TNNI3K: variants seen among roughly 807,000 people sequenced by gnomAD.
TNNI3K encodes serine/threonine-protein kinase TNNI3K.
Under a neutral mutation model 114.5 loss-of-function variants are expected in TNNI3K, and 140 were observed. The ratio of observed to expected loss-of-function variants is 1.22; its 90% confidence interval spans 1.07 to 1.41. The LOEUF is 1.41. Ranked by LOEUF, TNNI3K falls within the 40% of genes most tolerant of loss-of-function variation. The pLI is 0.00. For missense variants in TNNI3K, 1,125 were observed against 1,007.6 expected, an observed-to-expected ratio of 1.12 and a Z score of -1.58; for synonymous variants, 347 against 347.5, an observed-to-expected ratio of 1.00 and a Z score of 0.02.
At chr1:74,536,084 C>T (rs779337709) in intron 23 of TNNI3K, among the ~76,000 whole-genome samples, 2 of 152,108 alleles carry the variant, frequency 1.3e-5, no homozygotes, top group African/African-American at 2.4e-5. Flanking sequence ...GAAGCTTTGC[C>T]TATAATGTAC....
chr1:74,489,499 C>A (rs965086686), intron 22 of TNNI3K, among the ~76,000 whole-genome samples: 1 of 152,128 alleles, frequency 6.6e-6, no homozygotes. Flanking sequence ...CAGTCATGCT[C>A]AGCTTAAAAA....
chr1:74,429,169 A>G (rs1190218814), intron 17 of TNNI3K, among the ~76,000 whole-genome samples: 1 of 151,974 alleles, frequency 6.6e-6, no homozygotes, highest in Non-Finnish European at 1.5e-5. Context: ...CAAAACCAGG[A>G]CCTCCAGCAG....
At chr1:74,516,651 G>A (rs1332196683) in intron 23 of TNNI3K, among the ~76,000 whole-genome samples, 1 of 152,144 alleles carries the variant, frequency 6.6e-6, no homozygotes, top group African/African-American at 2.4e-5. Context: ...AACAGTAAGT[G>A]GCATGGTCAG....
Position 74,463,502 on chromosome 1 carries a change from C to T in TNNI3K, c.2073C>T (p.Pro691=). The T allele has an allele frequency of 6.2e-7, 1 of 1,614,204 alleles. No individual in the cohort carries two copies. The highest frequency in any genetic ancestry group is 1.1e-5 in the South Asian group (1 of 91,084). Residue 691 remains proline, a synonymous_variant, in exon 21 of 25, where the codon CCC becomes CCT. Transcript: ENST00000326637. ...GACCTCCCATTGGCTATTCCATTCC[C>T]AAGCCCATATCATCTCTGCTGATAC... ...HIRPPIGYSI[P]KPISSLLIRG...
chr1:74,360,054 T>G (rs1368147737), intron 11 of TNNI3K, among the ~76,000 whole-genome samples: 2 of 151,998 alleles, frequency 1.3e-5, no homozygotes, highest in African/African-American at 4.8e-5. Flanking sequence ...CAAAAAGTCT[T>G]CTTTATTTTG....
chr1:74,435,270 G>A (rs1666071337), intron 17 of TNNI3K, among the ~76,000 whole-genome samples: 2 of 151,968 alleles, frequency 1.3e-5, no homozygotes, highest in Admixed American at 1.3e-4. Context: ...TCTTAAAAAG[G>A]ACACTCTTTT....
chr1:74,389,004 C>T (rs1663627345), intron 17 of TNNI3K, among the ~76,000 whole-genome samples: 2 of 152,238 alleles, frequency 1.3e-5, no homozygotes, highest in African/African-American at 4.8e-5. Flanking sequence ...AGCACTCATG[C>T]AACTGAGAGT....
intron 4 of TNNI3K, among the ~76,000 whole-genome samples, chr1:74,251,151 G>A (rs1654903485): frequency 6.6e-6 from 1 of 152,098 alleles, no homozygotes. Flanking sequence ...TGTATTTAAA[G>A]ACAAAAGAAG....
chr1:74,480,143 C>G (rs937658541), intron 21 of TNNI3K: 2 of 711,382 alleles, frequency 2.8e-6, no homozygotes, highest in African/African-American at 1.8e-5. Flanking sequence ...CACACTTCTC[C>G]CCGGCATACC....
chr1:74,252,714 T>G (rs1450276829), intron 4 of TNNI3K, among the ~76,000 whole-genome samples: 1 of 152,014 alleles, frequency 6.6e-6, no homozygotes, highest in African/African-American at 2.4e-5. Flanking sequence ...GCGGCACGTC[T>G]GGAGTTGTTC....
In TNNI3K at chr1:74,509,666, T is replaced by C. The variant is rs193248059; in HGVS notation, c.2351+17400T>C. On this transcript the variant is annotated intron_variant, in intron 23 of 24. Coordinates refer to ENST00000326637, the MANE Select transcript of TNNI3K (RefSeq NM_015978.3). ...GTTGATTGTTGTTTTTGTCATGTCA[T>C]ATATGTTAAGGAATAGAGTGTTGTG... 2.6e-5 allele frequency among the ~76,000 whole-genome samples: 4 copies of C among 151,536 alleles called. No homozygotes were observed. The East Asian group carries it at 7.8e-4, about 29-fold the overall frequency.
At chr1:74,279,592 C>CAATGAATGAATG (rs56037474) in intron 5 of TNNI3K, among the ~76,000 whole-genome samples, 7,768 of 151,604 alleles carry the variant, frequency 0.051, 562 homozygotes, top group African/African-American at 0.16. Context: ...TAAATAGAAA[C>CAATGAATGAATG]AATGAATGAA....
intron 21 of TNNI3K, chr1:74,468,252 CT>C (rs1480296566): frequency 6.7e-6 from 1 of 149,198 alleles, no homozygotes; most frequent in African/African-American, 2.5e-5. Flanking sequence ...GGTGACAGCG[CT>C]TTAAAGAAGA....
In TNNI3K at chr1:74,354,007, A is replaced by G; in HGVS notation, c.1055A>G (p.His352Arg). ...TTACACTCTGCTTGCTACCACGGTC[A>G]CATTCGCCTGGTTCAGTTCTTACTG... ...TGLHSACYHG[H>R]IRLVQFLLDN... The change falls in exon 11 of 25, where the codon CAC becomes CGC. Residue 352 changes from histidine to arginine, a missense_variant. Coordinates refer to ENST00000326637, the MANE Select transcript of TNNI3K (RefSeq NM_015978.3). 1 of 1,613,928 alleles carries G rather than the reference A, an allele frequency of 6.2e-7. No individual in the cohort carries two copies. The highest frequency in any genetic ancestry group is 8.5e-7 in the Non-Finnish European group (1 of 1,179,926).
intron 23 of TNNI3K, among the ~76,000 whole-genome samples, chr1:74,494,210 C>T (rs1669219597): frequency 6.6e-6 from 1 of 152,184 alleles, no homozygotes; most frequent in African/African-American, 2.4e-5. Flanking sequence ...CACACTCATA[C>T]ACTCCATTAT....
chr1:74,255,112 T>C (rs1655191859), intron 4 of TNNI3K, among the ~76,000 whole-genome samples: 1 of 152,100 alleles, frequency 6.6e-6, no homozygotes, highest in Non-Finnish European at 1.5e-5. Flanking sequence ...GCCTAACTTT[T>C]GGGAGGCCGA....
At position 74,338,697 on chromosome 1, in the gene TNNI3K, A is replaced by G. The variant is rs573535350; in HGVS notation, c.682+2548A>G. On this transcript the variant is annotated intron_variant, in intron 7 of 24. Transcript: ENST00000326637. ...TTTATCTACCCATAAGGAATATACA[A>G]AGTATCCTAGAGACAACCGTGGCAA... is the stretch of plus-strand genomic sequence containing the variant. Among the ~76,000 whole-genome samples the G allele has an allele frequency of 4.6e-5, 7 of 152,292 alleles. No individual in the cohort carries two copies. In the South Asian group the frequency reaches 1.2e-3, roughly 27 times the overall value.
rs75475342 is a variant in TNNI3K, at chr1:74,530,674, G to T, written c.2352-9560G>T. On this transcript the variant is annotated intron_variant, in intron 23 of 24. Transcript: ENST00000326637. ...GTAAGATGGTAGGTGGGAAAATGAG[G>T]AAGTGAGGAGTGGGCCTTATCACTG... 8.4e-3 allele frequency among the ~76,000 whole-genome samples: 1,280 copies of T among 152,112 alleles called. 16 individuals are homozygous for T. Among genetic ancestry groups the T allele is most frequent in the African/African-American group, 0.029 (1,213 of 41,500 alleles).
chr1:74,347,046 A>G (rs1415628909), intron 9 of TNNI3K, among the ~76,000 whole-genome samples: 1 of 152,052 alleles, frequency 6.6e-6, no homozygotes, highest in East Asian at 1.9e-4. Context: ...CATGTGCACA[A>G]CGGGCAGGTT....
Sources: allele counts gnomAD v4.1 joint callset (sites outside exome capture counted in the v4.1 genomes callset), GRCh38; gene constraint gnomAD v4.1.1; transcripts MANE v1.5; gene names NCBI Gene and HGNC (gene_info 2026-07-23, HGNC 2026-07-21).